SPAG16: variants seen among roughly 807,000 people sequenced by gnomAD.
SPAG16 encodes sperm-associated antigen 16 protein.
SPAG16 carries 86 observed loss-of-function variants against 80.4 expected under a neutral mutation model. That is an observed-to-expected ratio of 1.07 (90% CI 0.90 to 1.28). The LOEUF is 1.28. Ranked by LOEUF, SPAG16 falls within the 50% of genes most tolerant of loss-of-function variation. SPAG16 has a pLI of 0.00. For synonymous variants in SPAG16, 294 were observed against 265.9 expected (o/e 1.11, Z -1.03); for missense variants, 870 against 765.3 (o/e 1.14, Z -1.61).
intron 10 of SPAG16, among the ~76,000 whole-genome samples, chr2:213,790,806 A>T (rs1055916613): frequency 2.6e-5 from 4 of 152,060 alleles, no homozygotes; most frequent in Non-Finnish European, 2.9e-5. Flanking sequence ...GTCATGGGCC[A>T]ATTCTGATTA....
intron 10 of SPAG16, among the ~76,000 whole-genome samples, chr2:213,774,313 G>A (rs924054668): frequency 1.3e-5 from 2 of 152,132 alleles, no homozygotes; most frequent in East Asian, 3.8e-4. Flanking sequence ...TAATCCTTAC[G>A]AAAACTCTAT....
At chr2:213,980,716 A>G (rs977499801) in intron 12 of SPAG16, among the ~76,000 whole-genome samples, 16 of 112,262 alleles carry the variant, frequency 1.4e-4, no homozygotes, top group African/African-American at 6.1e-4. Flanking sequence ...GTGTGTGTAT[A>G]TATATATATA....
rs148650049 is a variant in SPAG16, at chr2:213,973,080, C to T, written c.1401-40871C>T. 9.2e-5 allele frequency among the ~76,000 whole-genome samples: 14 copies of T among 152,138 alleles called. 1 individual carries two copies. The East Asian group carries it at 2.1e-3, about 23-fold the overall frequency. On this transcript the variant is annotated intron_variant, in intron 12 of 15. Coordinates refer to ENST00000331683, the MANE Select transcript of SPAG16 (RefSeq NM_024532.5). Reference sequence around the variant, plus strand: ...TTAGCCAGCCCAGTTAAAGCTCTGGCCCAACCTTTACTTCCTACTTGTGCT... The same window carrying T: ...TTAGCCAGCCCAGTTAAAGCTCTGGTCCAACCTTTACTTCCTACTTGTGCT...
intron 13 of SPAG16, among the ~76,000 whole-genome samples, chr2:214,033,169 C>T (rs1313270193): frequency 2.6e-5 from 4 of 152,172 alleles, no homozygotes; most frequent in Non-Finnish European, 5.9e-5. Context: ...AAGTAGGTGA[C>T]AACTGCAGCA....
At chr2:214,352,019 T>C (rs1276538312) in intron 15 of SPAG16, among the ~76,000 whole-genome samples, 4 of 152,152 alleles carry the variant, frequency 2.6e-5, no homozygotes, top group African/African-American at 9.7e-5. Context: ...GCACATTTCC[T>C]AATTCATAGG....
chr2:213,997,871 A>G (rs774848408), intron 12 of SPAG16, among the ~76,000 whole-genome samples: 1 of 152,218 alleles, frequency 6.6e-6, no homozygotes, highest in African/African-American at 2.4e-5. Context: ...TTGTAACAAC[A>G]CAGTGGAAAA....
At chr2:213,862,116 A>G (rs2105949027) in intron 10 of SPAG16, among the ~76,000 whole-genome samples, 1 of 152,366 alleles carries the variant, frequency 6.6e-6, no homozygotes, top group East Asian at 1.9e-4. Context: ...TATAGTAACC[A>G]TGACCACTGG....
rs184221373 is a variant in SPAG16, at chr2:213,964,395, C to T, written c.1400+34250C>T. On this transcript the variant is annotated intron_variant, in intron 12 of 15. Coordinates refer to ENST00000331683, the MANE Select transcript of SPAG16 (RefSeq NM_024532.5). ...CAGCCTGAAGAACACCTTTAGTATT[C>T]CTTGAAAGGCAGGTTAGCTAGCAAT... Among the ~76,000 whole-genome samples the T allele has an allele frequency of 2.7e-4, 41 of 152,124 alleles. No homozygotes were observed. In the East Asian group the frequency reaches 6.2e-3, roughly 23 times the overall value.
intron 15 of SPAG16, among the ~76,000 whole-genome samples, chr2:214,155,686 C>T (rs1228949787): frequency 6.6e-6 from 1 of 152,066 alleles, no homozygotes; most frequent in African/African-American, 2.4e-5. Context: ...AATAAAATTG[C>T]TGAGTTAGAG....
chr2:213,867,926 C>CAAAAAAAAAAAAA (rs35795865), intron 11 of SPAG16, among the ~76,000 whole-genome samples: 21 of 45,872 alleles, frequency 4.6e-4, no homozygotes, highest in South Asian at 1.8e-3. Flanking sequence ...TCTGTCTCAA[C>CAAAAAAAAAAAAA]AAAAAAAAAA....
At chr2:213,819,775 G>T (rs1575231052) in intron 10 of SPAG16, among the ~76,000 whole-genome samples, 2 of 148,772 alleles carry the variant, frequency 1.3e-5, no homozygotes, top group African/African-American at 2.5e-5. Context: ...TTTTTTTTTT[G>T]AGACAGAGTC....
At chr2:213,940,530 A>G (rs962488489) in intron 12 of SPAG16, among the ~76,000 whole-genome samples, 5 of 152,246 alleles carry the variant, frequency 3.3e-5, no homozygotes, top group East Asian at 1.9e-4. Context: ...ACTGGCCCCA[A>G]TTGATCCTCC....
In SPAG16 at chr2:214,234,080, C is replaced by G. The variant is rs112641761; in HGVS notation, c.1720+84814C>G. Among the ~76,000 whole-genome samples, 413 of 147,492 alleles carry G rather than the reference C, an allele frequency of 2.8e-3. 9 individuals carry two copies. Among genetic ancestry groups the G allele is most frequent in the East Asian group, 0.026 (135 of 5,144 alleles). ...GGCCCCAGTATGTGTTGTTTCCCCC[C>G]CCATGTGTCCATGTGTTCTCATTAT... is the stretch of plus-strand genomic sequence containing the variant. On this transcript the variant is annotated intron_variant, in intron 15 of 15. Transcript: ENST00000331683.
intron 9 of SPAG16, among the ~76,000 whole-genome samples, chr2:213,481,030 C>A (rs1178243506): frequency 6.6e-6 from 1 of 152,152 alleles, no homozygotes; most frequent in Non-Finnish European, 1.5e-5. Flanking sequence ...AGCCCGCCAA[C>A]TAAAGAATAT....
intron 15 of SPAG16, among the ~76,000 whole-genome samples, chr2:214,166,308 G>A (rs2056653542): frequency 6.6e-6 from 1 of 152,132 alleles, no homozygotes; most frequent in African/African-American, 2.4e-5. Flanking sequence ...TTCCCTGGGA[G>A]GCTGACTTGC....
chr2:214,086,860 A>G (rs919209946), intron 13 of SPAG16, among the ~76,000 whole-genome samples: 3 of 152,322 alleles, frequency 2.0e-5, no homozygotes, highest in African/African-American at 7.2e-5. Flanking sequence ...CTGTATGAGA[A>G]AAAATAAAGT....
intron 8 of SPAG16, among the ~76,000 whole-genome samples, chr2:213,366,789 CT>C (rs149557462): frequency 0.015 from 2,245 of 149,568 alleles, 29 homozygotes; most frequent in South Asian, 0.039. Flanking sequence ...GCAATAGAAT[CT>C]TTTTTTTTTA....
At chr2:214,164,589 T>G (rs2056575235) in intron 15 of SPAG16, among the ~76,000 whole-genome samples, 1 of 152,170 alleles carries the variant, frequency 6.6e-6, no homozygotes, top group Non-Finnish European at 1.5e-5. Context: ...GCACCAACGC[T>G]GGTCTTTATT....
intron 15 of SPAG16, among the ~76,000 whole-genome samples, chr2:214,157,149 C>A (rs2056251078): frequency 1.3e-5 from 2 of 152,144 alleles, no homozygotes. Flanking sequence ...TTTGGATGCA[C>A]AAGTCTATGA....
Sources: gnomAD v4.1 joint callset for allele counts (sites outside exome capture counted in the v4.1 genomes callset) on GRCh38, gnomAD v4.1.1 for gene constraint, MANE v1.5 for transcripts, NCBI Gene and HGNC (gene_info 2026-07-23, HGNC 2026-07-21) for gene names.